Variants in AGBL1 observed in about 807,000 individuals in gnomAD.
The protein encoded by AGBL1 is cytosolic carboxypeptidase 4.
In AGBL1, 130 loss-of-function variants were observed where a neutral mutation model predicts 118.9. The ratio of observed to expected loss-of-function variants is 1.09; its 90% CI spans 0.95 to 1.26. AGBL1 has a LOEUF of 1.26. AGBL1 is among the 50% of genes most tolerant of loss of function. The pLI, the probability that AGBL1 is intolerant of heterozygous loss-of-function variation, is 0.00. For synonymous variants in AGBL1, 555 were observed against 478.9 expected, an observed-to-expected ratio of 1.16 and a Z score of -2.08; for missense variants, 1,584 against 1,298.1, an observed-to-expected ratio of 1.22 and a Z score of -3.38.
At chr15:86,846,125 T>C (rs550213471) in intron 22 of AGBL1, among the ~76,000 whole-genome samples, 1 of 152,350 alleles carries the variant, frequency 6.6e-6, no homozygotes, top group Non-Finnish European at 1.5e-5. Context: ...TGTCTCTTCA[T>C]GTGGATTTTT....
At chr15:86,217,059 C>A (rs1371294268) in intron 5 of AGBL1, among the ~76,000 whole-genome samples, 2 of 152,338 alleles carry the variant, frequency 1.3e-5, no homozygotes, top group African/African-American at 4.8e-5. Flanking sequence ...CCTTTTAAAT[C>A]TTGTAACCCA....
intron 7 of AGBL1, among the ~76,000 whole-genome samples, chr15:86,250,603 A>T (rs568194370): frequency 4.2e-5 from 6 of 144,264 alleles, no homozygotes; most frequent in African/African-American, 1.5e-4. Flanking sequence ...AATGTTATCA[A>T]GTTTATGTGC....
chr15:86,633,814 GTATGTA>G (rs1429866907), intron 21 of AGBL1, among the ~76,000 whole-genome samples: 19 of 11,866 alleles, frequency 1.6e-3, no homozygotes, highest in Non-Finnish European at 4.0e-3. Context: ...TATATATAAT[GTATGTA>G]TATATATATA....
intron 22 of AGBL1, among the ~76,000 whole-genome samples, chr15:86,888,138 T>C (rs917071598): frequency 3.3e-5 from 5 of 151,856 alleles, no homozygotes; most frequent in Non-Finnish European, 4.4e-5. Context: ...AAAACTTCAG[T>C]CCCTGGGACC....
At chr15:86,809,954 C>T (rs1036944310) in intron 22 of AGBL1, among the ~76,000 whole-genome samples, 3 of 151,986 alleles carry the variant, frequency 2.0e-5, no homozygotes, top group African/African-American at 7.3e-5. Flanking sequence ...AAATAATTAC[C>T]TCTAACACAA....
intron 18 of AGBL1, among the ~76,000 whole-genome samples, chr15:86,456,882 C>G (rs2082266479): frequency 6.6e-6 from 1 of 152,084 alleles, no homozygotes; most frequent in Admixed American, 6.6e-5. Flanking sequence ...ATTGTATTAA[C>G]TAGGTTGAAT....
chr15:87,011,906 G>A (rs1452088448), intron 24 of AGBL1, among the ~76,000 whole-genome samples: 2 of 151,946 alleles, frequency 1.3e-5, no homozygotes, highest in Non-Finnish European at 2.9e-5. Context: ...AATCTATAAA[G>A]AGTCATCAAA....
intron 17 of AGBL1, among the ~76,000 whole-genome samples, chr15:86,349,448 C>T (rs1408177582): frequency 2.6e-5 from 4 of 152,110 alleles, no homozygotes; most frequent in African/African-American, 9.7e-5. Context: ...TGAGGTGTTT[C>T]TATGTTTGCA....
intron 17 of AGBL1, among the ~76,000 whole-genome samples, chr15:86,337,460 G>T (rs769287125): frequency 2.0e-4 from 30 of 152,142 alleles, no homozygotes; most frequent in Non-Finnish European, 3.2e-4. Context: ...CAACTCAAAT[G>T]CCCATGAATG....
chr15:86,113,558 T>G (rs1897569339), intron 1 of AGBL1, among the ~76,000 whole-genome samples: 1 of 152,112 alleles, frequency 6.6e-6, no homozygotes, highest in African/African-American at 2.4e-5. Flanking sequence ...AGTGCTGGGA[T>G]TACAGGTGTG....
chr15:86,997,767 T>A (rs144131314), intron 24 of AGBL1, among the ~76,000 whole-genome samples: 5,197 of 152,096 alleles, frequency 0.034, 126 homozygotes, highest in Middle Eastern at 0.068. Context: ...TCCTTTTTTT[T>A]AAAAGAGACT....
At chr15:86,829,334 C>A (rs1404962075) in intron 22 of AGBL1, among the ~76,000 whole-genome samples, 1 of 152,070 alleles carries the variant, frequency 6.6e-6, no homozygotes, top group Non-Finnish European at 1.5e-5. Context: ...GTCAAGTGGG[C>A]TCTGATAAAG....
intron 1 of AGBL1, chr15:86,105,164 C>A (rs561972278): frequency 6.6e-6 from 1 of 152,292 alleles, no homozygotes; most frequent in South Asian, 2.1e-4. Flanking sequence ...AGGCAAGTAC[C>A]AGATGCCTCT....
intron 22 of AGBL1, among the ~76,000 whole-genome samples, chr15:86,704,308 C>G (rs2347236): frequency 0.67 from 101,664 of 152,036 alleles, 34,356 homozygotes; most frequent in Non-Finnish European, 0.73. Flanking sequence ...AAACTAAAAA[C>G]CTTCTGCACA....
intron 18 of AGBL1, among the ~76,000 whole-genome samples, chr15:86,503,583 A>AT (rs1281881813): frequency 6.6e-6 from 1 of 150,634 alleles, no homozygotes; most frequent in Non-Finnish European, 1.5e-5. Flanking sequence ...ACAAATATGT[A>AT]TTTTTTCTGC....
At chr15:86,332,774 T>C (rs1236365189) in intron 17 of AGBL1, among the ~76,000 whole-genome samples, 1 of 151,648 alleles carries the variant, frequency 6.6e-6, no homozygotes, top group African/African-American at 2.4e-5. Flanking sequence ...GCACACAGAG[T>C]ATACTCCAAG....
At chr15:86,633,185 A>C (rs528478668) in intron 21 of AGBL1, among the ~76,000 whole-genome samples, 1 of 152,232 alleles carries the variant, frequency 6.6e-6, no homozygotes, top group Admixed American at 6.5e-5. Context: ...CTTACAAAAA[A>C]GTGGTGCAGC....
At chr15:86,526,829 T>A (rs1243499347) in intron 19 of AGBL1, among the ~76,000 whole-genome samples, 2 of 151,956 alleles carry the variant, frequency 1.3e-5, no homozygotes, top group African/African-American at 4.8e-5. Flanking sequence ...CAGACTGGTA[T>A]AATGGACACT....
intron 1 of AGBL1, among the ~76,000 whole-genome samples, chr15:86,124,051 G>A (rs373731720): frequency 5.3e-4 from 80 of 152,108 alleles, no homozygotes; most frequent in African/African-American, 1.7e-3. Context: ...TGTACCAGGC[G>A]GGGTGCAGTG....
Sources: gnomAD v4.1 joint callset for allele counts (sites outside exome capture counted in the v4.1 genomes callset) on GRCh38, gnomAD v4.1.1 for gene constraint, MANE v1.5 for transcripts, NCBI Gene and HGNC (gene_info 2026-07-23, HGNC 2026-07-21) for gene names.